The following AIMP1 variants were observed in gnomAD, a reference collection of about 807,000 sequenced individuals.
AIMP1 encodes the protein aminoacyl tRNA synthase complex-interacting multifunctional protein 1.
Under a neutral mutation model 33.1 loss-of-function variants are expected in AIMP1, and 24 were observed. The ratio of observed to expected loss-of-function variants is 0.73; its 90% CI spans 0.53 to 1.02. The LOEUF (loss-of-function observed/expected upper bound fraction) is 1.02. Among genes scored for constraint, AIMP1 ranks in the 50% least tolerant of loss-of-function variants. The probability of loss-of-function intolerance (pLI) is 0.00; values close to 1 mark genes in which losing one functional copy is unlikely to be tolerated. For missense variants in AIMP1, 367 were observed against 364.8 expected (o/e 1.01, Z -0.05); for synonymous variants, 120 against 121.5 (o/e 0.99, Z 0.08).
chr4:106,327,595 A>G, intron 3 of AIMP1, 31 bp downstream of exon 3: 2 of 1,521,374 alleles, frequency 1.3e-6, no homozygotes, highest in Non-Finnish European at 1.8e-6. Flanking sequence ...TGAGTAATCC[A>G]GAAGTTAAGA....
chr4:106,316,226 G>A (rs1454911262), upstream of AIMP1: 2 of 269,432 alleles, frequency 7.4e-6, no homozygotes, highest in East Asian at 7.6e-5. Context: ...CCCTCAGCCT[G>A]GCCTTTTCTT....
chr4:106,342,970 T>A (rs2125928760), intron 6 of AIMP1, among the ~76,000 whole-genome samples: 1 of 151,608 alleles, frequency 6.6e-6, no homozygotes, highest in South Asian at 2.1e-4. Context: ...AGTGGCGTTA[T>A]CTTGGCCCAC....
At position 106,325,181 on chromosome 4, in the gene AIMP1, AAAT is replaced by A. The variant is rs1039127681; in HGVS notation, c.109+67_109+69del. ...ATGAATTCATACATTGATGGAGAAA[AAAT>A]AATGTTTACCGCTTTAAGTTATTTA... On this transcript the variant is annotated intron_variant, in intron 2 of 6. Transcript: ENST00000672341. 6 of 1,416,152 alleles carry A rather than the reference AAAT, an allele frequency of 4.2e-6. No homozygotes were observed. In the African/African-American group the frequency reaches 8.6e-5, roughly 20 times the overall value. The allele number at this position is 1,416,152 out of a possible 1,614,324, so 87.7% of individuals were successfully genotyped here.
chr4:106,341,209 T>G (rs999849697), intron 6 of AIMP1, among the ~76,000 whole-genome samples: 2 of 152,226 alleles, frequency 1.3e-5, no homozygotes, highest in Admixed American at 6.5e-5. Context: ...GCTGTCTGTT[T>G]ACTCTGCTGA....
chr4:106,332,043 T>C (rs897774740), intron 5 of AIMP1, among the ~76,000 whole-genome samples, 160 bp downstream of exon 5: 1 of 152,138 alleles, frequency 6.6e-6, no homozygotes, highest in African/African-American at 2.4e-5. Flanking sequence ...AAAAAAAGCA[T>C]AAAACCACCA....
intron 6 of AIMP1, 74 bp downstream of exon 6, chr4:106,337,111 T>TA: frequency 3.8e-6 from 5 of 1,321,224 alleles, no homozygotes; most frequent in Non-Finnish European, 5.5e-6. Flanking sequence ...GCTTAAAGGT[T>TA]AAAATCAGTC....
At chr4:106,336,028 ATCTTTTT>A (rs1769860729) in intron 5 of AIMP1, among the ~76,000 whole-genome samples, 1 of 110,312 alleles carries the variant, frequency 9.1e-6, no homozygotes, top group Admixed American at 9.7e-5. Flanking sequence ...TTGTTAAATG[ATCTTTTT>A]TTTTTTTTTT....
At position 106,347,546 on chromosome 4, in the gene AIMP1, A is replaced by C; in HGVS notation, c.793A>C (p.Asn265His). The change falls in exon 7 of 7, where the codon AAT becomes CAT. Residue 265 changes from asparagine to histidine, a missense_variant. Physicochemically the swap from Asn to His is moderately conservative, Grantham distance 68 (BLOSUM62 1). Transcript: ENST00000672341. ...AFPGEPDKELNPKKKIWEQIQ... is the reference protein window; with the variant it reads ...AFPGEPDKELHPKKKIWEQIQ... ...CACAGGAGAGCCTGACAAGGAGCTG[A>C]ATCCTAAGAAGAAGATTTGGGAGCA... is the stretch of plus-strand genomic sequence containing the variant. 6.2e-7 allele frequency: 1 copy of C among 1,613,160 alleles called. No individual in the cohort carries two copies. Among genetic ancestry groups the C allele is most frequent in the South Asian group, 1.1e-5 (1 of 91,042 alleles).
intron 1 of AIMP1, among the ~76,000 whole-genome samples, chr4:106,318,214 A>G (rs1368433408): frequency 6.6e-6 from 1 of 152,228 alleles, no homozygotes; most frequent in Non-Finnish European, 1.5e-5. Flanking sequence ...TAAAAGACCT[A>G]GGGAATTACT....
chr4:106,343,876 A>T (rs1345735791), intron 6 of AIMP1, among the ~76,000 whole-genome samples: 1 of 152,238 alleles, frequency 6.6e-6, no homozygotes, highest in Non-Finnish European at 1.5e-5. Context: ...TCGTATTAAT[A>T]GTAGAAATTA....
At chr4:106,327,663 T>C in intron 3 of AIMP1, 99 bp downstream of exon 3, 2 of 820,038 alleles carry the variant, frequency 2.4e-6, no homozygotes, top group Non-Finnish European at 3.9e-6. Context: ...CTAGGCAACT[T>C]GGACAACTTC....
chr4:106,327,487 G>A lies in AIMP1; in HGVS notation c.146G>A (p.Arg49Gln), dbSNP rs747675209. The part of the protein sequence containing the change: ...QATLREEKKL[R>Q]VENAKLKKEI... ...ACTTTGAGGGAAGAGAAGAAACTTC[G>A]AGTTGAAAATGCTAAACTGAAGAAA... Residue 49 changes from arginine to glutamine, a missense_variant, in exon 3 of 7, where the codon CGA becomes CAA. By Grantham distance (43) the Arg-to-Gln change is conservative. Coordinates refer to ENST00000672341, the MANE Select transcript of AIMP1 (RefSeq NM_001142416.2). 27 of 1,612,748 alleles carry A rather than the reference G, an allele frequency of 1.7e-5. No homozygotes were observed. Among genetic ancestry groups the A allele is most frequent in the Middle Eastern group, 1.7e-4 (1 of 6,058 alleles).
chr4:106,329,003 A>G (rs1265781408), intron 4 of AIMP1, among the ~76,000 whole-genome samples: 5 of 151,480 alleles, frequency 3.3e-5, no homozygotes, highest in Admixed American at 3.3e-4. Context: ...GCCTTTATAA[A>G]TAATTATGAA....
intron 1 of AIMP1, among the ~76,000 whole-genome samples, chr4:106,324,158 T>C (rs552908677): frequency 6.6e-6 from 1 of 152,180 alleles, no homozygotes; most frequent in South Asian, 2.1e-4. Flanking sequence ...TACTGCTTCA[T>C]TTATTTAAAG....
chr4:106,332,546 G>T (rs565113584), intron 5 of AIMP1, among the ~76,000 whole-genome samples: 1 of 150,524 alleles, frequency 6.6e-6, no homozygotes, highest in East Asian at 1.9e-4. Flanking sequence ...CAGTTAAGTA[G>T]TATCACCCTC....
At chr4:106,316,736 G>C in intron 1 of AIMP1, 142 bp downstream of exon 1, 2 of 710,370 alleles carry the variant, frequency 2.8e-6, no homozygotes, top group Non-Finnish European at 4.5e-6. Flanking sequence ...ACCAGCCCTG[G>C]CCTAAGGAAA....
At chr4:106,330,353 C>T (rs1211294234) in intron 4 of AIMP1, among the ~76,000 whole-genome samples, 2 of 151,912 alleles carry the variant, frequency 1.3e-5, no homozygotes, top group African/African-American at 4.8e-5. Context: ...TTGGCATATT[C>T]TGGTAATTTT....
chr4:106,334,097 A>G lies in AIMP1; in HGVS notation c.603+2214A>G, dbSNP rs1579639209. Among the ~76,000 whole-genome samples the G allele has an allele frequency of 5.9e-5, 9 of 152,182 alleles. 2 individuals are homozygous for G. Among genetic ancestry groups the G allele is most frequent in the Admixed American group, 5.9e-4 (9 of 15,292 alleles). ...TATTGCAAAGAATATGGACTTCAAC[A>G]TTACGATAGTTCTGCCTTTGTTTAT... On this transcript the variant is annotated intron_variant, in intron 5 of 6. Coordinates refer to ENST00000672341, the MANE Select transcript of AIMP1 (RefSeq NM_001142416.2).
At chr4:106,317,061 G>A (rs1768959600) in intron 1 of AIMP1, among the ~76,000 whole-genome samples, 1 of 152,176 alleles carries the variant, frequency 6.6e-6, no homozygotes, top group African/African-American at 2.4e-5. Context: ...CACATACTAA[G>A]CAAAGTAATT....
Sources: allele counts gnomAD v4.1 joint callset (sites outside exome capture counted in the v4.1 genomes callset), GRCh38; gene constraint gnomAD v4.1.1; transcripts MANE v1.5; gene names NCBI Gene and HGNC (gene_info 2026-07-23, HGNC 2026-07-21).